ASXL3: variants seen among roughly 807,000 people sequenced by gnomAD.
The protein encoded by ASXL3 is ASXL transcriptional regulator 3.
Under a neutral mutation model 170.6 loss-of-function variants are expected in ASXL3, and 34 were observed. The ratio of observed to expected loss-of-function variants is 0.20; its 90% CI spans 0.15 to 0.27. The LOEUF (loss-of-function observed/expected upper bound fraction) is 0.27, where lower values mean the gene tolerates loss of function less well. Ranked by LOEUF, ASXL3 falls within the 10% of genes least tolerant of loss-of-function variation. The pLI is 1.00. For synonymous variants in ASXL3, 1,002 were observed against 989.1 expected (o/e 1.01, Z -0.24); for missense variants, 2,592 against 2,695.3 (o/e 0.96, Z 0.85).
At chr18:33,678,762 C>T (rs2066470427) in intron 7 of ASXL3, among the ~76,000 whole-genome samples, 1 of 152,126 alleles carries the variant, frequency 6.6e-6, no homozygotes, top group Non-Finnish European at 1.5e-5. Context: ...TGAGATAAGA[C>T]AATCATATAT....
intron 2 of ASXL3, among the ~76,000 whole-genome samples, chr18:33,621,036 CTTCAAAACAGATCA>C: frequency 6.6e-6 from 1 of 152,276 alleles, no homozygotes; most frequent in Admixed American, 6.5e-5. Context: ...GAAGCTTCCT[CTTCAAAACAGATCA>C]TTCAAAACAG....
At chr18:33,699,131 C>A (rs939770878) in intron 8 of ASXL3, among the ~76,000 whole-genome samples, 1 of 151,800 alleles carries the variant, frequency 6.6e-6, no homozygotes, top group Non-Finnish European at 1.5e-5. Flanking sequence ...GGGAGAGATA[C>A]ATATATAGGC....
At chr18:33,729,969 T>C (rs946547688) in intron 8 of ASXL3, among the ~76,000 whole-genome samples, 2 of 152,118 alleles carry the variant, frequency 1.3e-5, no homozygotes, top group Non-Finnish European at 2.9e-5. Context: ...TTAGGGCTGA[T>C]TGATTATCCT....
chr18:33,743,697 A>C lies in ASXL3; in HGVS notation c.3849A>C (p.Lys1283Asn). The C allele has an allele frequency of 6.2e-7, 1 of 1,613,862 alleles. No individual in the cohort carries two copies. Among genetic ancestry groups the C allele is most frequent in the Non-Finnish European group, 8.5e-7 (1 of 1,179,888 alleles). The change falls in exon 12 of 12, where the codon AAA becomes AAC. Residue 1283 changes from lysine (K) to asparagine (N), a missense_variant. Lys to Asn is a moderately conservative substitution (Grantham distance 94). Transcript: ENST00000269197. ...CTGCTTGTAATATAAGCATGTTAAAAACCATCCAGGGAACTGACACTCCAT... is the reference window on the plus strand; with the variant it reads ...CTGCTTGTAATATAAGCATGTTAAACACCATCCAGGGAACTGACACTCCAT... ...TISACNISML[K>N]TIQGTDTPCI...
intron 7 of ASXL3, among the ~76,000 whole-genome samples, chr18:33,679,558 A>G (rs896855715): frequency 6.6e-6 from 1 of 152,116 alleles, no homozygotes; most frequent in South Asian, 2.1e-4. Context: ...AAATATGTGT[A>G]TAATGAAATA....
At chr18:33,582,175 A>G (rs762254492) in intron 1 of ASXL3, among the ~76,000 whole-genome samples, 5 of 152,340 alleles carry the variant, frequency 3.3e-5, no homozygotes, top group Non-Finnish European at 2.9e-5. Flanking sequence ...AGACCACAAT[A>G]AGAATAAAAA....
chr18:33,645,570 C>A (rs1485633121), intron 3 of ASXL3, among the ~76,000 whole-genome samples: 1 of 151,874 alleles, frequency 6.6e-6, no homozygotes, highest in Non-Finnish European at 1.5e-5. Flanking sequence ...TAAAGGCATT[C>A]CCATTTTTAT....
At chr18:33,666,559 A>G (rs531562630) in intron 5 of ASXL3, among the ~76,000 whole-genome samples, 18 of 152,336 alleles carry the variant, frequency 1.2e-4, no homozygotes, top group African/African-American at 3.8e-4. Context: ...CCAGGCTGTG[A>G]GATACCCAAA....
chr18:33,625,726 C>T (rs1043056267), intron 2 of ASXL3: 1 of 152,068 alleles, frequency 6.6e-6, no homozygotes, highest in East Asian at 1.9e-4. Context: ...AGGCAGTACA[C>T]CAAGTGGATA....
chr18:33,738,638 G>C lies in ASXL3; in HGVS notation c.1234G>C (p.Ala412Pro). 6.2e-7 allele frequency: 1 copy of C among 1,613,916 alleles called. No individual in the cohort carries two copies. Among genetic ancestry groups the C allele is most frequent in the Non-Finnish European group, 8.5e-7 (1 of 1,179,850 alleles). The change falls in exon 11 of 12, where the codon GCT becomes CCT. Residue 412 changes from alanine (A) to proline (P), a missense_variant. Physicochemically the swap from Ala to Pro is conservative, Grantham distance 27 (BLOSUM62 -1). Transcript: ENST00000269197. ...ACAGCCAAAAAGCATGAAAAGCCCAGCTTCTCCAGAGCCTGGTTTCTGTGC... is the reference window on the plus strand; with the variant it reads ...ACAGCCAAAAAGCATGAAAAGCCCACCTTCTCCAGAGCCTGGTTTCTGTGC... ...EQQPKSMKSP[A>P]SPEPGFCATL...
chr18:33,733,252 T>C (rs535621346), intron 9 of ASXL3, among the ~76,000 whole-genome samples: 17 of 152,250 alleles, frequency 1.1e-4, no homozygotes, highest in African/African-American at 3.1e-4. Context: ...TTAGCAGATC[T>C]CACTAGCTAA....
intron 2 of ASXL3, among the ~76,000 whole-genome samples, chr18:33,616,061 T>C (rs1406105441): frequency 1.3e-5 from 2 of 152,190 alleles, no homozygotes; most frequent in African/African-American, 4.8e-5. Flanking sequence ...TAATCTCTAA[T>C]AAGTTAAGCT....
intron 2 of ASXL3, among the ~76,000 whole-genome samples, chr18:33,610,119 C>T (rs902794600): frequency 6.6e-6 from 1 of 151,966 alleles, no homozygotes; most frequent in African/African-American, 2.4e-5. Flanking sequence ...ATTTTGCCTA[C>T]TTAATGTACT....
At chr18:33,698,040 T>C (rs2066800767) in intron 8 of ASXL3, among the ~76,000 whole-genome samples, 1 of 152,062 alleles carries the variant, frequency 6.6e-6, no homozygotes, top group African/African-American at 2.4e-5. Flanking sequence ...GAATATGTAC[T>C]ATGGTATGAA....
chr18:33,588,081 A>C (rs1342643859), intron 1 of ASXL3, among the ~76,000 whole-genome samples: 1 of 152,094 alleles, frequency 6.6e-6, no homozygotes, highest in East Asian at 1.9e-4. Flanking sequence ...ATATATATAT[A>C]TTTGCTTTAA....
intron 8 of ASXL3, among the ~76,000 whole-genome samples, chr18:33,723,727 A>G (rs1476524031): frequency 6.6e-6 from 1 of 152,188 alleles, no homozygotes; most frequent in Non-Finnish European, 1.5e-5. Flanking sequence ...GCTATGGGCA[A>G]AATGCTATCA....
At chr18:33,594,472 G>C (rs865873295) in intron 1 of ASXL3, among the ~76,000 whole-genome samples, 2 of 152,154 alleles carry the variant, frequency 1.3e-5, no homozygotes, top group African/African-American at 4.8e-5. Flanking sequence ...ATTTCATGCA[G>C]AATCTTTTGT....
intron 8 of ASXL3, among the ~76,000 whole-genome samples, chr18:33,709,448 A>G (rs2067019264): frequency 6.6e-6 from 1 of 152,218 alleles, no homozygotes; most frequent in Admixed American, 6.5e-5. Flanking sequence ...TGAATTTACA[A>G]TGAGAATGAA....
intron 7 of ASXL3, among the ~76,000 whole-genome samples, chr18:33,676,028 T>C (rs1378745993): frequency 1.3e-5 from 2 of 151,522 alleles, no homozygotes; most frequent in Non-Finnish European, 2.9e-5. Context: ...ATCGAGACCA[T>C]CCTGGCTAAC....
Sources: allele counts gnomAD v4.1 joint callset (sites outside exome capture counted in the v4.1 genomes callset), GRCh38; gene constraint gnomAD v4.1.1; transcripts MANE v1.5; gene names NCBI Gene and HGNC (gene_info 2026-07-23, HGNC 2026-07-21).